Variants in ZNF135 observed in about 807,000 individuals in gnomAD.
ZNF135 encodes the protein zinc finger protein 135.
Under a neutral mutation model 12.3 loss-of-function variants are expected in ZNF135, and 11 were observed. The observed-to-expected ratio is 0.89, with a 90% CI of 0.56 to 1.48. The LOEUF is 1.48. ZNF135 is among the 40% of genes most tolerant of loss of function. The pLI, the probability that ZNF135 is intolerant of heterozygous loss-of-function variation, is 0.00. For missense variants in ZNF135, 722 were observed against 815.7 expected, an observed-to-expected ratio of 0.89 and a Z score of 1.40; for synonymous variants, 316 against 312.0, an observed-to-expected ratio of 1.01 and a Z score of -0.14.
At position 58,067,377 on chromosome 19, in the gene ZNF135, A is replaced by G. The variant is rs765116535; in HGVS notation, c.893A>G (p.Tyr298Cys). The G allele has an allele frequency of 1.6e-5, 26 of 1,614,082 alleles. No homozygotes were observed. Among genetic ancestry groups the G allele is most frequent in the East Asian group, 4.5e-5 (2 of 44,898 alleles). The change falls in exon 5 of 5, where the codon TAT becomes TGT. Residue 298 changes from tyrosine to cysteine, a missense_variant. Coordinates refer to ENST00000313434, the MANE Select transcript of ZNF135 (RefSeq NM_001289401.2). ...AGAACTCACACAGGTGAGAAGCCCTATGAATGCAGCGAATGTGGGAAATCC... is the reference window on the plus strand; with the variant it reads ...AGAACTCACACAGGTGAGAAGCCCTGTGAATGCAGCGAATGTGGGAAATCC... Reference protein sequence around the residue: ...HQRTHTGEKPYECSECGKSFS... With the variant: ...HQRTHTGEKPCECSECGKSFS...
chr19:58,063,789 A>AG lies in ZNF135; in HGVS notation c.256+248_256+249insG, dbSNP rs2074022580. On this transcript the variant is annotated intron_variant, in intron 4 of 4. Coordinates refer to ENST00000313434, the MANE Select transcript of ZNF135 (RefSeq NM_001289401.2). The surrounding 1 kb of genome is among the most constrained non-coding windows in gnomAD (Gnocchi z 4.4). ...AAATAATAATAATAAAACAAGTTGG[A>AG]TGATTACAGATTGTGATGAATGCCG... 4 of 799,122 alleles carry AG rather than the reference A, an allele frequency of 5.0e-6. No individual in the cohort carries two copies. The highest frequency in any genetic ancestry group is 6.1e-6 in the Non-Finnish European group (4 of 660,040). 49.5% of individuals were successfully genotyped at this position (799,122 alleles called of 1,614,324 possible). A position where few individuals can be genotyped will look rare whatever the true frequency, so the allele number is the denominator to read the frequency against.
chr19:58,061,057 G>A (rs2073970404), intron 2 of ZNF135, among the ~76,000 whole-genome samples: 1 of 152,052 alleles, frequency 6.6e-6, no homozygotes, highest in Admixed American at 6.5e-5. Flanking sequence ...GAACCCAGGA[G>A]GCGGAGCTTG....
Position 58,067,300 on chromosome 19 carries a change from C to G in ZNF135, c.816C>G (p.Cys272Trp). 1.2e-6 allele frequency: 2 copies of G among 1,614,074 alleles called. No homozygotes were observed. The highest frequency in any genetic ancestry group is 1.7e-6 in the Non-Finnish European group (2 of 1,180,014). ...ATACTGGGGAGAAACCCTATAAATG[C>G]ACTCAGTGTGGGAGGACCTTCAACC... ...RIHTGEKPYKCTQCGRTFNQI... is the reference protein window; with the variant it reads ...RIHTGEKPYKWTQCGRTFNQI... Residue 272 changes from cysteine to tryptophan, a missense_variant, in exon 5 of 5, where the codon TGC (cysteine) becomes TGG (tryptophan). Cys to Trp is a radical substitution (Grantham distance 215, BLOSUM62 -2). Transcript: ENST00000313434.
chr19:58,063,764 AAATAAT>A lies in ZNF135; in HGVS notation c.256+232_256+237del, dbSNP rs2074022291. 8.1e-7 allele frequency: 1 copy of A among 1,235,648 alleles called. No homozygotes were observed. The highest frequency in any genetic ancestry group is 1.1e-6 in the Non-Finnish European group (1 of 947,666). 76.5% of individuals were successfully genotyped at this position (1,235,648 alleles called of 1,614,324 possible). A position where few individuals can be genotyped will look rare whatever the true frequency, so the allele number is the denominator to read the frequency against. On this transcript the variant is annotated intron_variant, in intron 4 of 4. Coordinates refer to ENST00000313434, the MANE Select transcript of ZNF135 (RefSeq NM_001289401.2). This position sits in a 1 kb window ranked among gnomAD's most constrained non-coding sequence, Gnocchi z 4.4. Reference sequence around the variant, plus strand: ...GGGGGAAACAAACAATAAATCGGTAAAATAATAATAATAAAACAAGTTGGATGATTA... The same window carrying A: ...GGGGGAAACAAACAATAAATCGGTAAAATAATAAAACAAGTTGGATGATTA...
rs1192654509 is a variant in ZNF135, at chr19:58,060,118, CTT to C, written c.33+85_33+86del. On this transcript the variant is annotated intron_variant, in intron 2 of 4. Coordinates refer to ENST00000313434, the MANE Select transcript of ZNF135 (RefSeq NM_001289401.2). The surrounding 1 kb of genome is among the most constrained non-coding windows in gnomAD (Gnocchi z 4.9). The stretch of plus-strand genomic sequence containing the variant: ...GCGGCCTTCTCACGCCCGGCCTCCT[CTT>C]TGCACCCCGTCCCTACTCGCGCTCA... 6.3e-7 allele frequency: 1 copy of C among 1,599,394 alleles called. No individual in the cohort carries two copies. Among genetic ancestry groups the C allele is most frequent in the Non-Finnish European group, 8.5e-7 (1 of 1,177,040 alleles).
Position 58,068,495 on chromosome 19 carries a change from C to A in ZNF135, c.*34C>A, listed in dbSNP as rs1218635120. On this transcript the variant is annotated 3_prime_UTR_variant, in exon 5 of 5. Coordinates refer to ENST00000313434, the MANE Select transcript of ZNF135 (RefSeq NM_001289401.2). The stretch of plus-strand genomic sequence containing the variant: ...CACATGTGCTGGGGACATAGGAAGA[C>A]CTTAAGCCATAGCTCATCCCTTTCT... 8.8e-6 allele frequency: 14 copies of A among 1,597,524 alleles called. No homozygotes were observed. Among genetic ancestry groups the A allele is most frequent in the African/African-American group, 1.3e-5 (1 of 74,448 alleles).
In ZNF135 at chr19:58,060,667, T is replaced by C. The variant is rs1332514631; in HGVS notation, c.33+632T>C. Among the ~76,000 whole-genome samples, 1 of 152,104 alleles carries C rather than the reference T, an allele frequency of 6.6e-6. No homozygotes were observed. The highest frequency in any genetic ancestry group is 1.5e-5 in the Non-Finnish European group (1 of 68,024). ...AAGAAACCAGCCTCCTGTAGGAATG[T>C]CAGAAAACCCGTACAAGGGGACTGG... On this transcript the variant is annotated intron_variant, in intron 2 of 4. Coordinates refer to ENST00000313434, the MANE Select transcript of ZNF135 (RefSeq NM_001289401.2). The surrounding 1 kb of genome is among the most constrained non-coding windows in gnomAD (Gnocchi z 4.9).
At chr19:58,066,602 T>C in intron 4 of ZNF135, 139 bp from the exon 5 acceptor site, 1 of 1,209,546 alleles carries the variant, frequency 8.3e-7, no homozygotes, top group Non-Finnish European at 1.1e-6. Flanking sequence ...TGCAAAACTA[T>C]ATTTTTAAAT....
Position 58,062,725 on chromosome 19 carries a change from T to G in ZNF135, c.161-721T>G, listed in dbSNP as rs1223008285. The stretch of plus-strand genomic sequence containing the variant: ...TTTATTTTTAAGAAACAGGGTCTTG[T>G]TCTCTTGCCCAGGGTGGAGTGCTGT... On this transcript the variant is annotated intron_variant, in intron 3 of 4. Transcript: ENST00000313434. 7.7e-4 allele frequency among the ~76,000 whole-genome samples: 117 copies of G among 151,804 alleles called. 2 individuals carry two copies. Among genetic ancestry groups the G allele is most frequent in the Non-Finnish European group, 1.0e-4 (7 of 67,944 alleles).
rs765438597 is a variant in ZNF135 at position 58,060,078 on chromosome 19, C to T, written c.33+43C>T. ...CTTGCGCGTGTCCTCCACCTCGTGCCCGGCCTCCTCGCGCGCGGCCTTCTC... is the reference window on the plus strand; with the variant it reads ...CTTGCGCGTGTCCTCCACCTCGTGCTCGGCCTCCTCGCGCGCGGCCTTCTC... On this transcript the variant is annotated intron_variant, in intron 2 of 4. Coordinates refer to ENST00000313434, the MANE Select transcript of ZNF135 (RefSeq NM_001289401.2). The surrounding 1 kb of genome is among the most constrained non-coding windows in gnomAD (Gnocchi z 4.9). The T allele has an allele frequency of 4.3e-6, 7 of 1,611,280 alleles. No individual in the cohort carries two copies. The African/African-American group carries it at 9.4e-5, about 22-fold the overall frequency.
chr19:58,061,505 T>A, intron 2 of ZNF135, 75 bp from the exon 3 acceptor site: 3 of 1,542,528 alleles, frequency 1.9e-6, no homozygotes, highest in Non-Finnish European at 2.6e-6. Flanking sequence ...CCAGCCTGGC[T>A]GGCATTTACC....
Position 58,067,480 on chromosome 19 carries a change from G to T in ZNF135, c.996G>T (p.Gly332=), listed in dbSNP as rs754151353. ...GEKPYECSEC[G]KAFRQSIHLT... is the part of the protein sequence containing the mutation. ...AGCCCTACGAGTGCAGTGAGTGTGG[G>T]AAAGCCTTCCGGCAAAGCATCCACC... Residue 332 remains glycine, a synonymous_variant, in exon 5 of 5, where the codon GGG becomes GGT. Coordinates refer to ENST00000313434, the MANE Select transcript of ZNF135 (RefSeq NM_001289401.2). 6.2e-7 allele frequency: 1 copy of T among 1,613,564 alleles called. No homozygotes were observed.
chr19:58,060,219 G>T lies in ZNF135; in HGVS notation c.33+184G>T. 1 of 1,446,736 alleles carries T rather than the reference G, an allele frequency of 6.9e-7. No individual in the cohort carries two copies. The highest frequency in any genetic ancestry group is 9.2e-7 in the Non-Finnish European group (1 of 1,091,374). The allele number at this position is 1,446,736 out of a possible 1,614,324, so 89.6% of individuals were successfully genotyped here. On this transcript the variant is annotated intron_variant, in intron 2 of 4. Coordinates refer to ENST00000313434, the MANE Select transcript of ZNF135 (RefSeq NM_001289401.2). This position sits in a 1 kb window ranked among gnomAD's most constrained non-coding sequence, Gnocchi z 4.9. ...TGCCCGGCCTCTACTCGCACAACTG[G>T]CCTCTACTCGCGCACCTGGCCTCTA...
rs1185787858 is a variant in ZNF135 at position 58,063,585 on chromosome 19, T to C, written c.256+44T>C. On this transcript the variant is annotated intron_variant, in intron 4 of 4. Coordinates refer to ENST00000313434, the MANE Select transcript of ZNF135 (RefSeq NM_001289401.2). This position sits in a 1 kb window ranked among gnomAD's most constrained non-coding sequence, Gnocchi z 4.4. Reference sequence around the variant, plus strand: ...GGGGCAGAGAGAAGCCTGTCCATGCTTGCTTCCTGGTTTCTCCCTCTGCAT... The same window carrying C: ...GGGGCAGAGAGAAGCCTGTCCATGCCTGCTTCCTGGTTTCTCCCTCTGCAT... 6.2e-7 allele frequency: 1 copy of C among 1,611,692 alleles called. No individual in the cohort carries two copies. Among genetic ancestry groups the C allele is most frequent in the East Asian group, 2.2e-5 (1 of 44,790 alleles).
Position 58,067,211 on chromosome 19 carries a change from G to A in ZNF135, c.727G>A (p.Glu243Lys), listed in dbSNP as rs778635080. The change falls in exon 5 of 5, where the codon GAA (glutamate) becomes AAA (lysine). Residue 243 changes from glutamate (E) to lysine (K), a missense_variant. Glu to Lys is a moderately conservative substitution (Grantham distance 56, BLOSUM62 1). Transcript: ENST00000313434. Reference sequence around the variant, plus strand: ...GACGCACACAGGAGAGAGACCTTACGAATGTCACGAATGCTTAAAAGGCTT... The same window carrying A: ...GACGCACACAGGAGAGAGACCTTACAAATGTCACGAATGCTTAAAAGGCTT... ...HRTHTGERPY[E>K]CHECLKGFRN... 8 of 1,614,090 alleles carry A rather than the reference G, an allele frequency of 5.0e-6. No homozygotes were observed. The highest frequency in any genetic ancestry group is 1.3e-5 in the African/African-American group (1 of 75,038).
rs778920870 is a variant in ZNF135, at chr19:58,059,294, G to C, written c.-51G>C. The C allele has an allele frequency of 3.7e-5, 58 of 1,574,926 alleles. No individual in the cohort carries two copies. Among genetic ancestry groups the C allele is most frequent in the Non-Finnish European group, 4.4e-5 (52 of 1,169,494 alleles). ...GTCGGCTGCCGGTGCCGCGGCCTTTGTCTCGCAGTCAGGAGGGTGAGCTAG... is the reference window on the plus strand; with the variant it reads ...GTCGGCTGCCGGTGCCGCGGCCTTTCTCTCGCAGTCAGGAGGGTGAGCTAG... On this transcript the variant is annotated 5_prime_UTR_variant, in exon 1 of 5. Transcript: ENST00000313434. This position sits in a 1 kb window ranked among gnomAD's most constrained non-coding sequence, Gnocchi z 6.5.
chr19:58,062,195 C>T (rs1252597666), intron 3 of ZNF135, among the ~76,000 whole-genome samples: 1 of 152,140 alleles, frequency 6.6e-6, no homozygotes, highest in African/African-American at 2.4e-5. Context: ...GCACTTTCTT[C>T]CTGTGTCCTG....
chr19:58,064,024 C>T (rs2074027156), intron 4 of ZNF135, among the ~76,000 whole-genome samples: 1 of 152,216 alleles, frequency 6.6e-6, no homozygotes, highest in Non-Finnish European at 1.5e-5. Flanking sequence ...TAGGAAAACA[C>T]TCTGACCTCA....
rs2074103738 is a variant in ZNF135 at position 58,067,908 on chromosome 19, T to A, written c.1424T>A (p.Phe475Tyr). 6.2e-7 allele frequency: 1 copy of A among 1,612,230 alleles called. No individual in the cohort carries two copies. Among genetic ancestry groups the A allele is most frequent in the Non-Finnish European group, 8.5e-7 (1 of 1,179,700 alleles). Residue 475 changes from phenylalanine to tyrosine, a missense_variant, in exon 5 of 5, where the codon TTC becomes TAC. Transcript: ENST00000313434. ...GAGTGCAGTCAGTGTGGGAAGGCCT[T>A]CCGGCAGAGCACACACCTCACCCAA... Reference protein sequence around the residue: ...PYECSQCGKAFRQSTHLTQHQ... With the variant: ...PYECSQCGKAYRQSTHLTQHQ...
Sources: gnomAD v4.1 joint callset for allele counts (sites outside exome capture counted in the v4.1 genomes callset) on GRCh38, gnomAD v4.1.1 for gene constraint, Gnocchi (gnomAD v3.1) non-coding constraint, MANE v1.5 for transcripts, NCBI Gene and HGNC (gene_info 2026-07-23, HGNC 2026-07-21) for gene names.